The following SCN3A variants were observed in gnomAD, a reference collection of about 807,000 sequenced individuals.
SCN3A encodes sodium channel protein type 3 subunit alpha.
Under a neutral mutation model 187.6 loss-of-function variants are expected in SCN3A, and 60 were observed. The ratio of observed to expected loss-of-function variants is 0.32; its 90% confidence interval spans 0.26 to 0.40. SCN3A has a LOEUF of 0.40. Ranked by LOEUF, SCN3A falls within the 10% of genes least tolerant of loss-of-function variation. The pLI is 1.00. For synonymous variants in SCN3A, 788 were observed against 829.2 expected (o/e 0.95, Z 0.85); for missense variants, 1,601 against 2,428.2 (o/e 0.66, Z 7.16).
At chr2:165,203,614 A>G (rs906704294) in intron 1 of SCN3A, among the ~76,000 whole-genome samples, 1 of 152,076 alleles carries the variant, frequency 6.6e-6, no homozygotes. Flanking sequence ...TATGTACCAT[A>G]AATCACCATT....
At chr2:165,152,063 G>A (rs1482802897) in intron 11 of SCN3A, among the ~76,000 whole-genome samples, 3 of 151,984 alleles carry the variant, frequency 2.0e-5, no homozygotes, top group African/African-American at 2.4e-5. Context: ...ACTATGTCCC[G>A]AAACAAAGAT....
At chr2:165,109,102 A>G (rs1011400491) in intron 21 of SCN3A, among the ~76,000 whole-genome samples, 10 of 152,046 alleles carry the variant, frequency 6.6e-5, no homozygotes, top group Admixed American at 6.6e-4. Flanking sequence ...GAAAAACCCA[A>G]CTATCTTCTC....
At chr2:165,099,373 A>G (rs545361553) in intron 22 of SCN3A, among the ~76,000 whole-genome samples, 1 of 152,184 alleles carries the variant, frequency 6.6e-6, no homozygotes, top group Admixed American at 6.5e-5. Flanking sequence ...TACAACTGCT[A>G]TAGAAAAAGT....
intron 11 of SCN3A, among the ~76,000 whole-genome samples, chr2:165,152,962 A>G (rs926519614): frequency 2.0e-5 from 3 of 151,648 alleles, no homozygotes; most frequent in African/African-American, 7.3e-5. Flanking sequence ...AAACTCATAC[A>G]GAACTACAAG....
At position 165,115,570 on chromosome 2, in the gene SCN3A, T is replaced by A; in HGVS notation, c.3399A>T (p.Leu1133Phe). 6.2e-7 allele frequency: 1 copy of A among 1,613,792 alleles called. No homozygotes were observed. Among genetic ancestry groups the A allele is most frequent in the East Asian group, 2.2e-5 (1 of 44,864 alleles). Reference protein sequence around the residue: ...ESELEESKEKLNATSSSEGST... With the variant: ...ESELEESKEKFNATSSSEGST... Reference sequence around the variant, plus strand: ...TTCCTTCAGATGAGCTGGTTGCATTTAATTTCTGGAAACAAAATCCCATTT... The same window carrying A: ...TTCCTTCAGATGAGCTGGTTGCATTAAATTTCTGGAAACAAAATCCCATTT... Residue 1133 changes from leucine to phenylalanine, a missense_variant, in exon 19 of 28, where the codon TTA becomes TTT. Transcript: ENST00000283254.
chr2:165,116,818 A>ATT (rs1374204981), intron 18 of SCN3A, among the ~76,000 whole-genome samples: 2 of 152,102 alleles, frequency 1.3e-5, no homozygotes, highest in African/African-American at 4.8e-5. Context: ...AAATATATAT[A>ATT]TTATGAAAAT....
In SCN3A at chr2:165,156,512, C is replaced by CAAA. The variant is rs558407270; in HGVS notation, c.1032-612_1032-610dup. 1.5e-3 allele frequency among the ~76,000 whole-genome samples: 95 copies of CAAA among 63,698 alleles called. 3 individuals are homozygous for CAAA. Among genetic ancestry groups the CAAA allele is most frequent in the Non-Finnish European group, 1.9e-3 (66 of 34,284 alleles). The allele number at this position is 63,698 out of a possible 152,430, so 41.8% of individuals were successfully genotyped here. On this transcript the variant is annotated intron_variant, in intron 9 of 27. Transcript: ENST00000283254. The stretch of plus-strand genomic sequence containing the variant: ...TGGGTGACAGAGCGAGACTCTGACT[C>CAAA]AAAAAAAAAAAAAAAAAAAAAAAAA...
At chr2:165,144,557 A>T (rs992957449) in intron 12 of SCN3A, among the ~76,000 whole-genome samples, 2 of 152,104 alleles carry the variant, frequency 1.3e-5, no homozygotes, top group African/African-American at 4.8e-5. Flanking sequence ...TCATCAGTTT[A>T]GAATGCTGTT....
chr2:165,108,177 C>T (rs1421219354), intron 21 of SCN3A, among the ~76,000 whole-genome samples: 2 of 151,980 alleles, frequency 1.3e-5, no homozygotes, highest in Non-Finnish European at 2.9e-5. Context: ...AGTGCCATTC[C>T]CACAATAAGT....
Position 165,095,454 on chromosome 2 carries a change from C to A in SCN3A, c.4431+57G>T, listed in dbSNP as rs114688842. The A allele has an allele frequency of 9.0e-4, 1,379 of 1,525,708 alleles. 22 individuals carry two copies. In the African/African-American group the frequency reaches 0.017, roughly 19 times the overall value. 94.5% of individuals were successfully genotyped at this position (1,525,708 alleles called of 1,614,324 possible). ...GACCACAGGTATTCTGGTTATTTGG[C>A]TGTATTAACAGACAGAACCCCAGAA... On this transcript the variant is annotated intron_variant, in intron 25 of 27. Coordinates refer to ENST00000283254, the MANE Select transcript of SCN3A (RefSeq NM_006922.4).
chr2:165,131,873 T>C (rs1054645937), intron 15 of SCN3A, among the ~76,000 whole-genome samples: 1 of 151,722 alleles, frequency 6.6e-6, no homozygotes, highest in Non-Finnish European at 1.5e-5. Context: ...GTCTTTGTGA[T>C]AGTTTACTGA....
At position 165,140,958 on chromosome 2, in the gene SCN3A, C is replaced by T. The variant is rs765013479; in HGVS notation, c.1712G>A (p.Arg571His). The stretch of plus-strand genomic sequence containing the variant: ...ACTGAAAATGCTTGTTTTGCTATTG[C>T]GTCTTGGGGAAAACAGGGAGCCACG... The part of the protein sequence containing the change: ...SIRGSLFSPR[R>H]NSKTSIFSFR... The change falls in exon 13 of 28, where the codon CGC becomes CAC. Residue 571 changes from arginine to histidine, a missense_variant. Arg to His is a conservative substitution (Grantham distance 29). Around this residue, in one of 11 missense-constraint regions of SCN3A, gnomAD observed 376 missense variants for 476.0 expected, o/e 0.79. Transcript: ENST00000283254. The surrounding 1 kb of genome is among the most constrained non-coding windows in gnomAD (Gnocchi z 4.2). The T allele has an allele frequency of 2.6e-4, 419 of 1,613,704 alleles. No homozygotes were observed. The highest frequency in any genetic ancestry group is 3.2e-4 in the Non-Finnish European group (383 of 1,179,928).
chr2:165,125,888 C>T (rs1686963121), intron 18 of SCN3A, among the ~76,000 whole-genome samples: 1 of 152,092 alleles, frequency 6.6e-6, no homozygotes, highest in Non-Finnish European at 1.5e-5. Flanking sequence ...TAGAGTTGAA[C>T]TCACTTAGCA....
intron 18 of SCN3A, among the ~76,000 whole-genome samples, chr2:165,125,675 A>G (rs564080400): frequency 6.6e-6 from 1 of 152,134 alleles, no homozygotes; most frequent in Non-Finnish European, 1.5e-5. Flanking sequence ...AGCTTACTCA[A>G]ATATGTCAAG....
chr2:165,195,480 A>C (rs966707238), intron 1 of SCN3A: 3 of 152,146 alleles, frequency 2.0e-5, no homozygotes, highest in African/African-American at 7.2e-5. Context: ...GAAAGTATTG[A>C]GTTCCCACAT....
rs550851504 is a variant in SCN3A, at chr2:165,141,928, C to G, written c.1672-930G>C. Among the ~76,000 whole-genome samples the G allele has an allele frequency of 2.6e-5, 4 of 152,308 alleles. No individual in the cohort carries two copies. The East Asian group carries it at 7.7e-4, about 29-fold the overall frequency. ...CCCAGATAAATTAAGCAAACTATTT[C>G]CTAGTACCAGAAAATGAGGATTTAG... On this transcript the variant is annotated intron_variant, in intron 12 of 27. Transcript: ENST00000283254.
chr2:165,113,130 A>G (rs141257891), intron 20 of SCN3A, 72 bp from the exon 21 acceptor site: 33 of 1,127,920 alleles, frequency 2.9e-5, no homozygotes, highest in Non-Finnish European at 4.1e-5. Context: ...ATTGCTTAGT[A>G]TAATAGTGAG....
At chr2:165,162,237 A>T (rs1266890342) in intron 9 of SCN3A, 71 bp downstream of exon 9, 2 of 1,324,394 alleles carry the variant, frequency 1.5e-6, no homozygotes, top group Non-Finnish European at 2.2e-6. Flanking sequence ...ATAACCATGT[A>T]GTTGTTTTCC....
intron 19 of SCN3A, among the ~76,000 whole-genome samples, chr2:165,115,101 T>A (rs1686297155): frequency 6.6e-6 from 1 of 152,188 alleles, no homozygotes; most frequent in Non-Finnish European, 1.5e-5. Context: ...TTGCCCAGGC[T>A]GAAGTGCAGT....
Sources: gnomAD v4.1 joint callset for allele counts (sites outside exome capture counted in the v4.1 genomes callset) on GRCh38, gnomAD v4.1.1 for gene constraint, gnomAD v4.1.1 regional missense constraint, Gnocchi (gnomAD v3.1) non-coding constraint, MANE v1.5 for transcripts, NCBI Gene and HGNC (gene_info 2026-07-23, HGNC 2026-07-21) for gene names.